Variants in H2BC4 observed in about 807,000 individuals in gnomAD.
H2BC4 encodes histone H2B type 1-C/E/F/G/I.
H2BC4 carries 10 observed loss-of-function variants against 6.2 expected under a neutral mutation model. The ratio of observed to expected loss-of-function variants is 1.61; its 90% CI spans 0.99 to 2.73. The LOEUF (loss-of-function observed/expected upper bound fraction) is 2.73. H2BC4 is among the 30% of genes most tolerant of loss of function. H2BC4 has a pLI of 0.00. For synonymous variants in H2BC4, 146 were observed against 70.7 expected (o/e 2.07, Z -5.35); for missense variants, 176 against 168.7 (o/e 1.04, Z -0.24).
downstream of H2BC4, among the ~76,000 whole-genome samples, chr6:26,119,883 T>C (rs138659186): frequency 6.6e-6 from 1 of 152,164 alleles, no homozygotes; most frequent in African/African-American, 2.4e-5. Context: ...TTAATATTTT[T>C]AAGTTATTTA....
chr6:26,121,467 T>C (rs1270847744), downstream of H2BC4, among the ~76,000 whole-genome samples: 1 of 152,148 alleles, frequency 6.6e-6, no homozygotes, highest in Non-Finnish European at 1.5e-5. Context: ...CTGTTGGTTC[T>C]TATTGTATGA....
downstream of H2BC4, chr6:26,123,354 T>C (rs2113799193): frequency 8.4e-7 from 1 of 1,191,282 alleles, no homozygotes; most frequent in African/African-American, 1.5e-5. Flanking sequence ...GGACCCTTTG[T>C]CCCTCTCTAA....
chr6:26,119,976 C>G (rs1366664414), downstream of H2BC4, among the ~76,000 whole-genome samples: 1 of 151,788 alleles, frequency 6.6e-6, no homozygotes, highest in South Asian at 2.1e-4. Flanking sequence ...AACTTTTTTT[C>G]TCTTAATTAG....
downstream of H2BC4, among the ~76,000 whole-genome samples, chr6:26,119,728 A>G: frequency 6.6e-6 from 1 of 151,914 alleles, no homozygotes; most frequent in East Asian, 1.9e-4. Flanking sequence ...TGTGTATACT[A>G]TAATATTCTG....
chr6:26,120,925 C>T (rs198826), downstream of H2BC4, among the ~76,000 whole-genome samples: 69,790 of 152,004 alleles, frequency 0.46, 16,844 homozygotes, highest in Non-Finnish European at 0.54. Flanking sequence ...ACCAGACATT[C>T]GGTTTCCTTG....
At chr6:26,114,548 A>G (rs1230511269), downstream of H2BC4, among the ~76,000 whole-genome samples, 1 of 152,114 alleles carries the variant, frequency 6.6e-6, no homozygotes, top group Non-Finnish European at 1.5e-5. Context: ...AGAACCTTAG[A>G]AAATGTTTTT....
At chr6:26,117,877 T>G (rs537074833) in intron 1 of H2BC4, among the ~76,000 whole-genome samples, 1 of 152,332 alleles carries the variant, frequency 6.6e-6, no homozygotes, top group East Asian at 1.9e-4. Flanking sequence ...ACTCTCTTCT[T>G]GTATAAACCA....
chr6:26,117,694 C>T (rs979583865), intron 1 of H2BC4, among the ~76,000 whole-genome samples: 1 of 152,112 alleles, frequency 6.6e-6, no homozygotes, highest in Non-Finnish European at 1.5e-5. Context: ...TAATTTTTGG[C>T]ATACTATTTA....
Position 26,123,571 on chromosome 6 carries a change from C to G in H2BC4, c.334G>C (p.Val112Leu). The G allele has an allele frequency of 6.2e-7, 1 of 1,614,274 alleles. No individual in the cohort carries two copies. Among genetic ancestry groups the G allele is most frequent in the Non-Finnish European group, 8.5e-7 (1 of 1,180,048 alleles). ...LLPGELAKHAVSEGTKAVTKY... is the reference protein window; with the variant it reads ...LLPGELAKHALSEGTKAVTKY... ...GTGACGGCCTTGGTGCCCTCCGACA[C>G]GGCGTGCTTGGCCAGCTCTCCGGGA... The change falls in exon 1 of 1, where the codon GTG (valine) becomes CTG (leucine). Residue 112 changes from valine (V) to leucine (L), a missense_variant. Physicochemically the swap from Val to Leu is conservative, Grantham distance 32. Transcript: ENST00000396984.
intron 1 of H2BC4, among the ~76,000 whole-genome samples, chr6:26,117,264 T>C (rs1763434752): frequency 6.6e-6 from 1 of 152,216 alleles, no homozygotes. Context: ...CAAGTCCTTT[T>C]AGGAGCGTAA....
downstream of H2BC4, among the ~76,000 whole-genome samples, chr6:26,114,105 T>C (rs1763390986): frequency 6.6e-6 from 1 of 151,916 alleles, no homozygotes; most frequent in African/African-American, 2.4e-5. Context: ...TCTCAAAGAG[T>C]AGTTATAATG....
downstream of H2BC4, among the ~76,000 whole-genome samples, chr6:26,121,681 ATTAG>A (rs1357446785): frequency 6.6e-6 from 1 of 152,018 alleles, no homozygotes; most frequent in Non-Finnish European, 1.5e-5. Flanking sequence ...GGTTACACTG[ATTAG>A]TTAGTTGGCA....
downstream of H2BC4, among the ~76,000 whole-genome samples, chr6:26,122,880 A>G (rs1763521914): frequency 1.3e-5 from 2 of 152,204 alleles, no homozygotes; most frequent in African/African-American, 4.8e-5. Flanking sequence ...TTACATCTTT[A>G]GTTCTGTACT....
downstream of H2BC4, among the ~76,000 whole-genome samples, chr6:26,119,320 A>C (rs1024893158): frequency 1.3e-5 from 2 of 152,196 alleles, no homozygotes; most frequent in African/African-American, 4.8e-5. Flanking sequence ...GGTTATTCTA[A>C]ACTGTGTAAA....
downstream of H2BC4, chr6:26,123,362 T>C: frequency 1.6e-6 from 2 of 1,278,120 alleles, no homozygotes; most frequent in South Asian, 3.1e-5. Context: ...TGTCCCTCTC[T>C]AAGCTGCAAC....
downstream of H2BC4, among the ~76,000 whole-genome samples, chr6:26,119,068 C>T (rs1763464767): frequency 1.3e-5 from 2 of 151,750 alleles, no homozygotes; most frequent in Non-Finnish European, 2.9e-5. Flanking sequence ...CGAATGCTTA[C>T]TTGTGTTTCT....
Position 26,123,628 on chromosome 6 carries a change from T to G in H2BC4, c.277A>C (p.Arg93=), listed in dbSNP as rs768148798. The change falls in exon 1 of 1, where the codon AGG becomes CGG. Residue 93 remains arginine, a synonymous_variant. Transcript: ENST00000396984. ...AGGCGCACGGCCGTCTGGATCTCCC[T>G]GGAGGTGATGGTCGAGCGCTTGTTG... ...HYNKRSTITS[R]EIQTAVRLLL... 1 of 1,614,240 alleles carries G rather than the reference T, an allele frequency of 6.2e-7. No individual in the cohort carries two copies. The highest frequency in any genetic ancestry group is 1.3e-5 in the African/African-American group (1 of 75,072).
intron 1 of H2BC4, chr6:26,115,211 A>G (rs1763403874): frequency 6.6e-6 from 1 of 152,226 alleles, no homozygotes; most frequent in African/African-American, 2.4e-5. Context: ...GACTCTGAGA[A>G]CAATGATAAT....
intron 1 of H2BC4, among the ~76,000 whole-genome samples, chr6:26,117,124 T>G (rs1763432140): frequency 6.6e-6 from 1 of 152,156 alleles, no homozygotes; most frequent in Non-Finnish European, 1.5e-5. Flanking sequence ...AAAAGTGTAT[T>G]TTTTCTCAAC....
Sources: gnomAD v4.1 joint callset for allele counts (sites outside exome capture counted in the v4.1 genomes callset) on GRCh38, gnomAD v4.1.1 for gene constraint, MANE v1.5 for transcripts, NCBI Gene and HGNC (gene_info 2026-07-23, HGNC 2026-07-21) for gene names.